EXOC2: variants seen among roughly 807,000 people sequenced by gnomAD.
The protein encoded by EXOC2 is SEC5-like 1.
A neutral mutation model predicts 131.8 loss-of-function variants in EXOC2; 70 were observed. The observed-to-expected ratio is 0.53, with a 90% CI of 0.44 to 0.65. The LOEUF is 0.65. Ranked by LOEUF, EXOC2 falls within the 30% of genes least tolerant of loss-of-function variation. The pLI is 0.00. For synonymous variants in EXOC2, 411 were observed against 398.4 expected, an observed-to-expected ratio of 1.03 and a Z score of -0.38; for missense variants, 923 against 1,108.6, an observed-to-expected ratio of 0.83 and a Z score of 2.38.
chr6:591,125 C>T (rs1283264473), intron 11 of EXOC2, among the ~76,000 whole-genome samples: 2 of 152,198 alleles, frequency 1.3e-5, no homozygotes, highest in Non-Finnish European at 2.9e-5. Flanking sequence ...TCTTCACATT[C>T]CCACCACCTC....
intron 6 of EXOC2, among the ~76,000 whole-genome samples, chr6:614,935 G>A (rs1438111263): frequency 5.8e-5 from 2 of 34,424 alleles, no homozygotes; most frequent in Non-Finnish European, 5.4e-5. Flanking sequence ...AACTACTAAG[G>A]AGGAAAATTA....
At chr6:556,148 G>A (rs1757409308) in intron 18 of EXOC2, 135 bp from the exon 19 acceptor site, 1 of 767,088 alleles carries the variant, frequency 1.3e-6, no homozygotes, top group South Asian at 1.7e-5. Context: ...GGAGGCGTGC[G>A]AAGAGTGGGC....
At chr6:502,781 T>A (rs530980206) in intron 23 of EXOC2, among the ~76,000 whole-genome samples, 1 of 152,224 alleles carries the variant, frequency 6.6e-6, no homozygotes, top group Non-Finnish European at 1.5e-5. Flanking sequence ...CTTTTGTATT[T>A]CTAGATTTTA....
At chr6:619,801 A>C (rs373374819) in intron 4 of EXOC2, among the ~76,000 whole-genome samples, 1 of 152,232 alleles carries the variant, frequency 6.6e-6, no homozygotes, top group East Asian at 1.9e-4. Flanking sequence ...TTACATCAAT[A>C]AAAGAATATA....
At chr6:688,854 TA>T (rs1764786229) in intron 1 of EXOC2, among the ~76,000 whole-genome samples, 1 of 152,222 alleles carries the variant, frequency 6.6e-6, no homozygotes, top group Admixed American at 6.5e-5. Flanking sequence ...AAAATTAAAC[TA>T]AAGCCAAACA....
At chr6:631,069 G>A (rs529406281) in intron 3 of EXOC2, among the ~76,000 whole-genome samples, 11 of 152,312 alleles carry the variant, frequency 7.2e-5, no homozygotes, top group South Asian at 2.1e-4. Flanking sequence ...CAGACAAAGC[G>A]TGCCTGCCTC....
intron 6 of EXOC2, among the ~76,000 whole-genome samples, chr6:614,463 G>C (rs1464059405): frequency 1.3e-5 from 2 of 152,168 alleles, no homozygotes; most frequent in African/African-American, 4.8e-5. Flanking sequence ...TCCTAGACCT[G>C]CTCCATGAAT....
intron 5 of EXOC2, among the ~76,000 whole-genome samples, chr6:618,985 T>C (rs1761149221): frequency 6.6e-6 from 1 of 152,234 alleles, no homozygotes; most frequent in Non-Finnish European, 1.5e-5. Flanking sequence ...TCTACTTTTT[T>C]GCTAATTTTA....
At chr6:537,441 G>A (rs561568986) in intron 22 of EXOC2, among the ~76,000 whole-genome samples, 6 of 151,708 alleles carry the variant, frequency 4.0e-5, no homozygotes, top group African/African-American at 1.5e-4. Context: ...GACGGCCGAC[G>A]GAGCGTACAC....
rs142603889 is a variant in EXOC2 at position 572,610 on chromosome 6, A to G, written c.1353T>C (p.Phe451=). ...AGACGAGTTTTGTCAATTTTTCAAC[A>G]AAGGCCACCCTGTGGGGAGTTTTGT... ...WRYKTPHRVA[F]VEKLTKLVLS... is the part of the protein sequence containing the mutation. The change falls in exon 13 of 28, where the codon TTT becomes TTC. Residue 451 remains phenylalanine, a synonymous_variant. Coordinates refer to ENST00000230449, the MANE Select transcript of EXOC2 (RefSeq NM_018303.6). 2.7e-5 allele frequency: 43 copies of G among 1,614,050 alleles called. No homozygotes were observed. The African/African-American group carries it at 3.9e-4, about 15-fold the overall frequency.
chr6:491,725 T>TTG (rs1451123293), intron 25 of EXOC2, among the ~76,000 whole-genome samples: 2 of 152,208 alleles, frequency 1.3e-5, no homozygotes, highest in Non-Finnish European at 2.9e-5. Flanking sequence ...GGCAAGCTGA[T>TTG]TGTAAAATTC....
chr6:616,563 A>T (rs919420202), intron 6 of EXOC2, among the ~76,000 whole-genome samples: 8 of 140,014 alleles, frequency 5.7e-5, no homozygotes, highest in African/African-American at 2.1e-4. Flanking sequence ...AGATCGCGCC[A>T]CAGCACTCCC....
chr6:688,485 A>T (rs964878010), intron 1 of EXOC2, among the ~76,000 whole-genome samples: 6 of 152,232 alleles, frequency 3.9e-5, no homozygotes, highest in African/African-American at 1.4e-4. Context: ...ACTGAAGATC[A>T]CAGAAGCGCC....
At chr6:641,363 G>A (rs144075168) in intron 1 of EXOC2, among the ~76,000 whole-genome samples, 4 of 152,270 alleles carry the variant, frequency 2.6e-5, no homozygotes, top group African/African-American at 7.2e-5. Context: ...GGCAATAGGA[G>A]GGTCTTTGTT....
At chr6:526,769 T>C (rs1237496872) in intron 23 of EXOC2, among the ~76,000 whole-genome samples, 1 of 152,148 alleles carries the variant, frequency 6.6e-6, no homozygotes, top group Non-Finnish European at 1.5e-5. Flanking sequence ...AGGCTGTTTA[T>C]TGTCTAGCAA....
At chr6:533,461 G>T (rs1161834620) in intron 22 of EXOC2, among the ~76,000 whole-genome samples, 1 of 151,994 alleles carries the variant, frequency 6.6e-6, no homozygotes, top group Admixed American at 6.6e-5. Flanking sequence ...CTGCTTGAGG[G>T]GCGTGCAGGT....
At chr6:634,049 A>G (rs986253788) in intron 2 of EXOC2, among the ~76,000 whole-genome samples, 6 of 143,510 alleles carry the variant, frequency 4.2e-5, no homozygotes, top group African/African-American at 1.5e-4. Flanking sequence ...TATGTGGCAC[A>G]GACACAGACA....
At chr6:673,346 G>A (rs1231403623) in intron 1 of EXOC2, among the ~76,000 whole-genome samples, 1 of 148,742 alleles carries the variant, frequency 6.7e-6, no homozygotes, top group Non-Finnish European at 1.5e-5. Flanking sequence ...ATTTGCACTG[G>A]TTAGTGTTCC....
intron 11 of EXOC2, among the ~76,000 whole-genome samples, chr6:591,350 C>T (rs566854068): frequency 9.8e-5 from 15 of 152,290 alleles, no homozygotes; most frequent in South Asian, 4.2e-4. Flanking sequence ...CAAGAAAGTT[C>T]GTCTCTTCAC....
Sources: allele counts gnomAD v4.1 joint callset (sites outside exome capture counted in the v4.1 genomes callset), GRCh38; gene constraint gnomAD v4.1.1; transcripts MANE v1.5; gene names NCBI Gene and HGNC (gene_info 2026-07-23, HGNC 2026-07-21).